CRYBA4: variants seen among roughly 807,000 people sequenced by gnomAD.
The protein encoded by CRYBA4 is beta-crystallin A4.
A neutral mutation model predicts 31.7 loss-of-function variants in CRYBA4; 30 were observed. The ratio of observed to expected loss-of-function variants is 0.95; its 90% confidence interval spans 0.71 to 1.28. The LOEUF is 1.28. CRYBA4 is among the 50% of genes most tolerant of loss of function. The pLI, the probability that CRYBA4 is intolerant of heterozygous loss-of-function variation, is 0.00. For synonymous variants in CRYBA4, 102 were observed against 102.3 expected, an observed-to-expected ratio of 1.00 and a Z score of 0.02; for missense variants, 225 against 260.7, an observed-to-expected ratio of 0.86 and a Z score of 0.94.
intron 5 of CRYBA4, among the ~76,000 whole-genome samples, chr22:26,629,930 C>T (rs947289376): frequency 3.0e-5 from 3 of 98,532 alleles, no homozygotes; most frequent in South Asian, 3.2e-4. Flanking sequence ...GTGGTGATAA[C>T]GATGAACAAA....
chr22:26,599,501 G>A, the CRYBA4 span: 2 of 1,612,574 alleles, frequency 1.2e-6, no homozygotes, highest in East Asian at 2.2e-5. Context: ...CACTTGGGGG[G>A]CTCTGTGGCC....
the CRYBA4 span, among the ~76,000 whole-genome samples, chr22:26,609,032 A>G: frequency 4.6e-5 from 7 of 152,182 alleles, no homozygotes; most frequent in African/African-American, 1.7e-4. Context: ...TAGATAAGAC[A>G]ATCCCCATTC....
chr22:26,610,587 C>T, the CRYBA4 span, among the ~76,000 whole-genome samples: 2 of 152,186 alleles, frequency 1.3e-5, no homozygotes, highest in Admixed American at 6.5e-5. Flanking sequence ...GCTGAGGCTG[C>T]GTTGACCACA....
At chr22:26,604,789 C>A in the CRYBA4 span, among the ~76,000 whole-genome samples, 1 of 152,208 alleles carries the variant, frequency 6.6e-6, no homozygotes, top group Non-Finnish European at 1.5e-5. Context: ...GTGCAATTAC[C>A]AGCCAGTGGT....
At chr22:26,592,717 G>A in the CRYBA4 span, among the ~76,000 whole-genome samples, 1 of 152,212 alleles carries the variant, frequency 6.6e-6, no homozygotes. Flanking sequence ...GTTCAACAGG[G>A]GAAGGGCATG....
chr22:26,609,608 T>C, the CRYBA4 span, among the ~76,000 whole-genome samples: 1 of 152,102 alleles, frequency 6.6e-6, no homozygotes, highest in Non-Finnish European at 1.5e-5. Flanking sequence ...GGTACGTGTG[T>C]ATAAATGGAG....
the CRYBA4 span, among the ~76,000 whole-genome samples, chr22:26,595,774 C>T: frequency 1.3e-5 from 2 of 151,300 alleles, no homozygotes; most frequent in African/African-American, 4.9e-5. Flanking sequence ...CCATGTATGG[C>T]CTTGTTTTTG....
At chr22:26,608,871 G>A in the CRYBA4 span, among the ~76,000 whole-genome samples, 111 of 152,228 alleles carry the variant, frequency 7.3e-4, no homozygotes, top group African/African-American at 2.5e-3. Context: ...TAATGTGATA[G>A]CGCTTATGAA....
At chr22:26,601,766 A>T in the CRYBA4 span, 316,529 of 1,544,878 alleles carry the variant, frequency 0.2, 36,791 homozygotes, top group Admixed American at 0.38. Context: ...GAGACTGTGG[A>T]AGGGGCCATG....
the CRYBA4 span, among the ~76,000 whole-genome samples, chr22:26,597,969 T>C: frequency 6.6e-6 from 1 of 151,694 alleles, no homozygotes; most frequent in African/African-American, 2.4e-5. Flanking sequence ...CTGCAACCTC[T>C]GCCTCCCGGT....
At chr22:26,602,022 C>G in the CRYBA4 span, 1 of 1,613,574 alleles carries the variant, frequency 6.2e-7, no homozygotes, top group Non-Finnish European at 8.5e-7. Flanking sequence ...CCTGGGCATC[C>G]TGGGGAAAGA....
At chr22:26,622,023 T>C (rs1021418083) in intron 1 of CRYBA4, 37 bp downstream of exon 1, 2 of 984,108 alleles carry the variant, frequency 2.0e-6, no homozygotes. Flanking sequence ...GGGATCAGAG[T>C]TCTGAGTGAG....
the CRYBA4 span, among the ~76,000 whole-genome samples, chr22:26,599,880 G>A: frequency 6.6e-6 from 1 of 152,238 alleles, no homozygotes; most frequent in Non-Finnish European, 1.5e-5. Context: ...TAGGAAGTGA[G>A]CATGGTCACG....
the CRYBA4 span, among the ~76,000 whole-genome samples, chr22:26,592,684 A>G: frequency 6.6e-6 from 1 of 152,150 alleles, no homozygotes; most frequent in Non-Finnish European, 1.5e-5. Context: ...TTTCTCTTGC[A>G]GTGATGGAGA....
At chr22:26,603,569 T>C in the CRYBA4 span, among the ~76,000 whole-genome samples, 1 of 151,204 alleles carries the variant, frequency 6.6e-6, no homozygotes, top group Non-Finnish European at 1.5e-5. Context: ...TATTGCTTCG[T>C]GGGATTGTCA....
At chr22:26,600,042 A>G in the CRYBA4 span, among the ~76,000 whole-genome samples, 1 of 152,236 alleles carries the variant, frequency 6.6e-6, no homozygotes, top group Non-Finnish European at 1.5e-5. Flanking sequence ...CCAAGGAAGC[A>G]AGAATAGGAC....
chr22:26,603,509 G>C, the CRYBA4 span, among the ~76,000 whole-genome samples: 1 of 151,868 alleles, frequency 6.6e-6, no homozygotes, highest in Non-Finnish European at 1.5e-5. Flanking sequence ...CAGCCTGGGC[G>C]ACAGAGCAAG....
rs148346157 is a variant in CRYBA4, at chr22:26,623,249, G to A, written c.55G>A (p.Glu19Lys). 3.3e-5 allele frequency: 54 copies of A among 1,613,400 alleles called. No homozygotes were observed. Among genetic ancestry groups the A allele is most frequent in the Non-Finnish European group, 4.5e-5 (53 of 1,179,946 alleles). ...AGPWKMVVWD[E>K]DGFQGRRHEF... ...CCTGGCACAGATGGTGGTGTGGGAT[G>A]AGGACGGCTTCCAGGGCCGGCGGCA... is the stretch of plus-strand genomic sequence containing the variant. Residue 19 changes from glutamate to lysine, a missense_variant, in exon 3 of 6, where the codon GAG becomes AAG. Coordinates refer to ENST00000354760, the MANE Select transcript of CRYBA4 (RefSeq NM_001886.3).
the CRYBA4 span, among the ~76,000 whole-genome samples, chr22:26,610,678 C>G: frequency 6.6e-6 from 1 of 152,122 alleles, no homozygotes; most frequent in Non-Finnish European, 1.5e-5. Flanking sequence ...GAGGTGGGTA[C>G]GTGACCATCA....
Sources: gnomAD v4.1 joint callset for allele counts (sites outside exome capture counted in the v4.1 genomes callset) on GRCh38, gnomAD v4.1.1 for gene constraint, MANE v1.5 for transcripts, NCBI Gene and HGNC (gene_info 2026-07-23, HGNC 2026-07-21) for gene names.